The following IQGAP2 variants were observed in gnomAD, a reference collection of about 807,000 sequenced individuals.
IQGAP2 encodes ras GTPase-activating-like protein IQGAP2.
IQGAP2 carries 173 observed loss-of-function variants against 201.3 expected under a neutral mutation model. That is an observed-to-expected ratio of 0.86 (90% confidence interval 0.76 to 0.98). The LOEUF is 0.98. IQGAP2 is among the 50% of genes least tolerant of loss of function. The pLI is 0.00. For missense variants in IQGAP2, 1,687 were observed against 1,864.8 expected, an observed-to-expected ratio of 0.90 and a Z score of 1.76; for synonymous variants, 675 against 673.9, an observed-to-expected ratio of 1.00 and a Z score of -0.03.
intron 2 of IQGAP2, chr5:76,510,697 T>C: frequency 3.7e-6 from 2 of 535,162 alleles, no homozygotes; most frequent in South Asian, 2.8e-5. Context: ...GCAGCCAGAC[T>C]GCCAAGCTTG....
chr5:76,704,384 A>G (rs1199616587), intron 35 of IQGAP2, among the ~76,000 whole-genome samples: 2 of 70,026 alleles, frequency 2.9e-5, no homozygotes, highest in Non-Finnish European at 6.9e-5. Flanking sequence ...AGAGAAAGCA[A>G]TAATTCCATG....
At chr5:76,447,888 A>G (rs1753492265) in intron 1 of IQGAP2, among the ~76,000 whole-genome samples, 4 of 152,256 alleles carry the variant, frequency 2.6e-5, no homozygotes, top group Admixed American at 2.6e-4. Context: ...AGGGTGAGAC[A>G]GACATGATAC....
At chr5:76,585,728 G>T (rs763070255) in intron 5 of IQGAP2, among the ~76,000 whole-genome samples, 2 of 151,990 alleles carry the variant, frequency 1.3e-5, no homozygotes, top group African/African-American at 2.4e-5. Flanking sequence ...TGGTCAGGCT[G>T]GTCTTGAGCT....
At chr5:76,499,474 C>T (rs1262609285) in intron 2 of IQGAP2, among the ~76,000 whole-genome samples, 3 of 152,210 alleles carry the variant, frequency 2.0e-5, no homozygotes, top group Non-Finnish European at 4.4e-5. Context: ...CATCACCTCC[C>T]TACTTGGGGC....
chr5:76,569,824 A>G (rs1744992829), intron 3 of IQGAP2, among the ~76,000 whole-genome samples: 1 of 152,222 alleles, frequency 6.6e-6, no homozygotes, highest in Non-Finnish European at 1.5e-5. Context: ...AAAGTTCTTA[A>G]TGGTTCATTC....
At chr5:76,653,557 G>A (rs1449290343) in intron 18 of IQGAP2, among the ~76,000 whole-genome samples, 2 of 152,182 alleles carry the variant, frequency 1.3e-5, no homozygotes, top group African/African-American at 4.8e-5. Context: ...AGGAGTTCAA[G>A]ACCAGCCTGG....
chr5:76,426,248 G>T (rs1042354916), intron 1 of IQGAP2, among the ~76,000 whole-genome samples: 2 of 152,194 alleles, frequency 1.3e-5, no homozygotes, highest in Admixed American at 6.5e-5. Context: ...CAGAAGAAAG[G>T]TTACAGTATA....
chr5:76,451,191 T>C lies in IQGAP2; in HGVS notation c.47-10379T>C, dbSNP rs145162926. 8.1e-4 allele frequency among the ~76,000 whole-genome samples: 124 copies of C among 152,320 alleles called. 1 individual carries two copies. The East Asian group carries it at 0.019, about 23-fold the overall frequency. On this transcript the variant is annotated intron_variant, in intron 1 of 35. Transcript: ENST00000274364. ...TTCTGGTGCCAAGCCATGGCTTGTT[T>C]CCACCTCCACCATCTGAAGTCACGA...
At chr5:76,463,234 C>T (rs767487192) in intron 2 of IQGAP2, among the ~76,000 whole-genome samples, 27 of 151,198 alleles carry the variant, frequency 1.8e-4, no homozygotes, top group Non-Finnish European at 3.4e-4. Context: ...TCTATTGATA[C>T]TCACTTTACA....
At chr5:76,663,710 A>ATTTC (rs1554082493) in intron 21 of IQGAP2, among the ~76,000 whole-genome samples, 1 of 151,714 alleles carries the variant, frequency 6.6e-6, no homozygotes, top group Admixed American at 6.6e-5. Context: ...TATTTTTAAA[A>ATTTC]TTTGTAGAGA....
At chr5:76,561,853 A>T (rs1744395003) in intron 2 of IQGAP2, among the ~76,000 whole-genome samples, 1 of 152,164 alleles carries the variant, frequency 6.6e-6, no homozygotes, top group South Asian at 2.1e-4. Context: ...GTATTGGAAA[A>T]AGGAGTCTGT....
intron 2 of IQGAP2, among the ~76,000 whole-genome samples, chr5:76,545,073 C>CAT (rs1161908127): frequency 6.6e-6 from 1 of 151,992 alleles, no homozygotes; most frequent in Non-Finnish European, 1.5e-5. Flanking sequence ...CATATACATA[C>CAT]ATATATACAC....
chr5:76,618,072 A>G lies in IQGAP2; in HGVS notation c.1521+6889A>G, dbSNP rs1283049815. ...TGTTGCCCACACCAGTCCACATGTT[A>G]CCAAGGCATAGGTGTGCTTGGGCAG... On this transcript the variant is annotated intron_variant, in intron 13 of 35. Coordinates refer to ENST00000274364, the MANE Select transcript of IQGAP2 (RefSeq NM_006633.5). 2.5e-6 allele frequency: 4 copies of G among 1,614,038 alleles called. No homozygotes were observed. The African/African-American group carries it at 4.0e-5, about 16-fold the overall frequency.
chr5:76,637,162 G>T lies in IQGAP2; in HGVS notation c.1909G>T (p.Gly637Ter). 6.2e-7 allele frequency: 1 copy of T among 1,604,442 alleles called. No individual in the cohort carries two copies. The highest frequency in any genetic ancestry group is 8.5e-7 in the Non-Finnish European group (1 of 1,176,384). Residue 637 changes from glycine (G) to a stop codon, truncating the protein, a stop_gained, in exon 16 of 36, where the codon GGA becomes TGA. Transcript: ENST00000274364. LOFTEE classifies it high-confidence loss of function. ...SCLYKESWLT[G>*]KEIEDIIEEV... ...CTTGTATAAAGAATCATGGCTCACAGGAAAAGAAATCGAGGTAGGAGGTTG... is the reference window on the plus strand; with the variant it reads ...CTTGTATAAAGAATCATGGCTCACATGAAAAGAAATCGAGGTAGGAGGTTG...
chr5:76,592,250 C>A (rs923531042), intron 8 of IQGAP2, among the ~76,000 whole-genome samples: 1 of 152,158 alleles, frequency 6.6e-6, no homozygotes, highest in African/African-American at 2.4e-5. Context: ...CTTCAGCTGA[C>A]CCCCTCATCT....
At chr5:76,627,360 TTCC>T (rs530324498) in intron 13 of IQGAP2, 47 bp from the exon 14 acceptor site, 17 of 1,175,416 alleles carry the variant, frequency 1.4e-5, no homozygotes, top group Non-Finnish European at 2.0e-5. Context: ...TTAATTCTGT[TTCC>T]TCATCATTCA....
intron 6 of IQGAP2, 64 bp from the exon 7 acceptor site, chr5:76,589,551 C>A: frequency 1.2e-6 from 1 of 865,982 alleles, no homozygotes. Flanking sequence ...TGTACTCATT[C>A]CTGCATCCAT....
chr5:76,494,172 G>A (rs1330134393), intron 2 of IQGAP2, among the ~76,000 whole-genome samples: 29 of 152,214 alleles, frequency 1.9e-4, no homozygotes, highest in Admixed American at 1.9e-3. Context: ...GATACGAAGG[G>A]CCAGGTGTAT....
At chr5:76,628,858 GAAATTTCAACTTAAATATAAA>G (rs1750468373) in intron 14 of IQGAP2, 3 of 332,026 alleles carry the variant, frequency 9.0e-6, no homozygotes, top group Non-Finnish European at 5.9e-6. Flanking sequence ...GTGTATATAA[GAAATTTCAACTTAAATATAAA>G]ACTGAAGGAA....
Sources: gnomAD v4.1 joint callset for allele counts (sites outside exome capture counted in the v4.1 genomes callset) on GRCh38, gnomAD v4.1.1 for gene constraint, MANE v1.5 for transcripts, NCBI Gene and HGNC (gene_info 2026-07-23, HGNC 2026-07-21) for gene names.